Variants in DLG1 observed in about 807,000 individuals in gnomAD.
The protein encoded by DLG1 is disks large homolog 1.
Under a neutral mutation model 123.4 loss-of-function variants are expected in DLG1, and 42 were observed. The observed-to-expected ratio is 0.34, with a 90% CI of 0.27 to 0.44. DLG1 has a LOEUF of 0.44. Among genes scored for constraint, DLG1 ranks in the 20% least tolerant of loss-of-function variants. The pLI, the probability that DLG1 is intolerant of heterozygous loss-of-function variation, is 1.00. For synonymous variants in DLG1, 317 were observed against 356.2 expected (o/e 0.89, Z 1.24); for missense variants, 942 against 1,082.6 (o/e 0.87, Z 1.82).
At chr3:197,198,447 A>ACTG (rs1723782733) in intron 4 of DLG1, among the ~76,000 whole-genome samples, 1 of 146,212 alleles carries the variant, frequency 6.8e-6, no homozygotes, top group African/African-American at 2.5e-5. Flanking sequence ...AGACCAGGCC[A>ACTG]CTGTACTCCA....
intron 4 of DLG1, among the ~76,000 whole-genome samples, chr3:197,268,854 TTTAC>T (rs1762775273): frequency 6.6e-6 from 1 of 151,798 alleles, no homozygotes. Context: ...AATTTTTTTT[TTTAC>T]TGTTTAAATA....
intron 5 of DLG1, among the ~76,000 whole-genome samples, chr3:197,158,953 G>A (rs1349170596): frequency 6.6e-6 from 1 of 152,110 alleles, no homozygotes; most frequent in East Asian, 1.9e-4. Flanking sequence ...ATTTACTCTA[G>A]GGTGCAAATA....
chr3:197,223,906 G>A (rs9880331), intron 4 of DLG1, among the ~76,000 whole-genome samples: 19,402 of 152,114 alleles, frequency 0.13, 1,707 homozygotes, highest in African/African-American at 0.24. Context: ...TGACTAGGAT[G>A]CTGTAGTCTT....
In DLG1 at chr3:197,286,359, G is replaced by A. The variant is rs1027346464; in HGVS notation, c.152-3514C>T. The stretch of plus-strand genomic sequence containing the variant: ...TTTCCACAGAAAAGAGGGTGGGGGA[G>A]CTTCTGCAGTGAAACTGTTCCACCT... On this transcript the variant is annotated intron_variant, in intron 3 of 24. Transcript: ENST00000667157. Among the ~76,000 whole-genome samples, 5 of 152,162 alleles carry A rather than the reference G, an allele frequency of 3.3e-5. No homozygotes were observed. In the East Asian group the frequency reaches 7.7e-4, roughly 23 times the overall value.
intron 4 of DLG1, among the ~76,000 whole-genome samples, chr3:197,273,865 A>AAAC (rs1553804416): frequency 6.9e-6 from 1 of 145,432 alleles, no homozygotes; most frequent in African/African-American, 2.5e-5. Flanking sequence ...AAAAAAAAAA[A>AAAC]CCAAAACAAA....
intron 11 of DLG1, among the ~76,000 whole-genome samples, chr3:197,124,609 G>C (rs570097269): frequency 9.4e-4 from 143 of 152,020 alleles, no homozygotes; most frequent in Non-Finnish European, 1.8e-3. Context: ...ATGTTGCCCA[G>C]GCTGGAGTGC....
chr3:197,174,477 C>T (rs989393623), intron 5 of DLG1, among the ~76,000 whole-genome samples: 1 of 152,126 alleles, frequency 6.6e-6, no homozygotes, highest in Non-Finnish European at 1.5e-5. Flanking sequence ...TGCCTCTATA[C>T]TGAATATAGC....
At chr3:197,200,039 T>C (rs1290924571) in intron 4 of DLG1, among the ~76,000 whole-genome samples, 2 of 152,204 alleles carry the variant, frequency 1.3e-5, no homozygotes, top group African/African-American at 4.8e-5. Context: ...AATATTATTT[T>C]ACTCACTACT....
At chr3:197,168,612 C>A (rs1454984562) in intron 5 of DLG1, among the ~76,000 whole-genome samples, 1 of 152,052 alleles carries the variant, frequency 6.6e-6, no homozygotes, top group African/African-American at 2.4e-5. Context: ...ATACAGTAAC[C>A]ATTATATTTT....
At chr3:197,050,299 G>A (rs1225999450) in intron 24 of DLG1, among the ~76,000 whole-genome samples, 4 of 151,484 alleles carry the variant, frequency 2.6e-5, no homozygotes, top group Non-Finnish European at 4.4e-5. Flanking sequence ...CACGGAAGGC[G>A]GAGGTTGCAG....
At chr3:197,097,769 CA>C (rs1207405530) in intron 14 of DLG1, among the ~76,000 whole-genome samples, 3 of 151,636 alleles carry the variant, frequency 2.0e-5, no homozygotes, top group African/African-American at 7.3e-5. Context: ...TTAGTAGAGA[CA>C]GGGGTTTCAC....
intron 3 of DLG1, among the ~76,000 whole-genome samples, chr3:197,284,642 T>C (rs1022577712): frequency 1.3e-5 from 2 of 152,192 alleles, no homozygotes; most frequent in Admixed American, 1.3e-4. Flanking sequence ...CCTATTACAT[T>C]TTTATTTACT....
At chr3:197,098,656 T>C (rs1459996465) in intron 14 of DLG1, among the ~76,000 whole-genome samples, 1 of 151,826 alleles carries the variant, frequency 6.6e-6, no homozygotes, top group Non-Finnish European at 1.5e-5. Context: ...TGCCTCAGCC[T>C]CCTCAGTAGC....
chr3:197,081,772 G>A (rs957752798), intron 16 of DLG1, among the ~76,000 whole-genome samples: 3 of 152,168 alleles, frequency 2.0e-5, no homozygotes, highest in African/African-American at 7.2e-5. Context: ...AATGGGTGTT[G>A]TGAGAGACAG....
intron 4 of DLG1, among the ~76,000 whole-genome samples, chr3:197,249,447 A>G (rs1753310892): frequency 6.6e-6 from 1 of 150,946 alleles, no homozygotes; most frequent in Non-Finnish European, 1.5e-5. Context: ...AAAATAAAAC[A>G]AAAAATTAAG....
At chr3:197,234,877 A>G (rs1350386032) in intron 4 of DLG1, among the ~76,000 whole-genome samples, 1 of 152,148 alleles carries the variant, frequency 6.6e-6, no homozygotes. Context: ...GTCAAAAGTT[A>G]TGTTTTTTAA....
Position 197,065,310 on chromosome 3 carries a change from G to C in DLG1, c.2339C>G (p.Thr780Arg). ...TACTTCTCGTACAGACTGAACACTT[G>C]TTCCATATAGATGATTGTTATACTG... ...AGQYNNHLYG[T>R]SVQSVREVAE... The change falls in exon 22 of 25, where the codon ACA becomes AGA. Residue 780 changes from threonine to arginine, a missense_variant. Coordinates refer to ENST00000667157, the MANE Select transcript of DLG1 (RefSeq NM_001366207.1). 1 of 1,610,270 alleles carries C rather than the reference G, an allele frequency of 6.2e-7. No homozygotes were observed. Among genetic ancestry groups the C allele is most frequent in the Non-Finnish European group, 8.5e-7 (1 of 1,178,972 alleles).
intron 4 of DLG1, among the ~76,000 whole-genome samples, chr3:197,256,463 A>G (rs1756931680): frequency 6.6e-6 from 1 of 152,266 alleles, no homozygotes; most frequent in African/African-American, 2.4e-5. Context: ...GCTAAAAGGA[A>G]TCTTTAAAAC....
chr3:197,117,302 T>C (rs1374868949), intron 12 of DLG1, among the ~76,000 whole-genome samples: 5 of 152,196 alleles, frequency 3.3e-5, no homozygotes, highest in Non-Finnish European at 7.4e-5. Flanking sequence ...TAACATAGAA[T>C]TACCATATGA....
Sources: gnomAD v4.1 joint callset for allele counts (sites outside exome capture counted in the v4.1 genomes callset) on GRCh38, gnomAD v4.1.1 for gene constraint, MANE v1.5 for transcripts, NCBI Gene and HGNC (gene_info 2026-07-23, HGNC 2026-07-21) for gene names.